Variants in G3BP1 observed in about 807,000 individuals in gnomAD.
The protein encoded by G3BP1 is ras GTPase-activating protein-binding protein 1.
Under a neutral mutation model 58.6 loss-of-function variants are expected in G3BP1, and 35 were observed. The observed-to-expected ratio is 0.60, with a 90% CI of 0.46 to 0.79. The LOEUF is 0.79. Among genes scored for constraint, G3BP1 ranks in the 30% least tolerant of loss-of-function variants. The pLI is 0.00. For synonymous variants in G3BP1, 191 were observed against 195.4 expected, an observed-to-expected ratio of 0.98 and a Z score of 0.19; for missense variants, 523 against 580.8, an observed-to-expected ratio of 0.90 and a Z score of 1.02.
In G3BP1 at chr5:151,797,231, G is replaced by T; in HGVS notation, c.544G>T (p.Asp182Tyr). 6.2e-7 allele frequency: 1 copy of T among 1,613,518 alleles called. No individual in the cohort carries two copies. The highest frequency in any genetic ancestry group is 1.1e-5 in the South Asian group (1 of 91,026). ...TCTCAAATTTTCCTGTCAAAGTAAT[G>T]ACATGGAAGAACATTTAGAGGAGCC... is the stretch of plus-strand genomic sequence containing the variant. ...TFYDQAVVSNDMEEHLEEPVA... is the reference protein window; with the variant it reads ...TFYDQAVVSNYMEEHLEEPVA... The change falls in exon 7 of 12, where the codon GAC becomes TAC. Residue 182 changes from aspartate to tyrosine, a missense_variant. Asp to Tyr is a radical substitution (Grantham distance 160). Around this residue, in one of 2 missense-constraint regions of G3BP1, gnomAD observed 398 missense variants for 399.1 expected, o/e 1.00. Transcript: ENST00000356245.
intron 1 of G3BP1, among the ~76,000 whole-genome samples, chr5:151,775,798 G>A (rs1198592343): frequency 6.6e-6 from 1 of 152,228 alleles, no homozygotes; most frequent in Non-Finnish European, 1.5e-5. Flanking sequence ...TTGGAGTGGG[G>A]AAGGGATACA....
intron 4 of G3BP1, among the ~76,000 whole-genome samples, chr5:151,793,842 A>G (rs1762701210): frequency 6.6e-6 from 1 of 151,694 alleles, no homozygotes; most frequent in African/African-American, 2.4e-5. Flanking sequence ...AAAAAAAAAA[A>G]AAAAAAAAAG....
chr5:151,809,463 A>T lies in G3BP1; in HGVS notation c.*5372A>T, dbSNP rs1012616661. 6.6e-6 allele frequency: 1 copy of T among 152,208 alleles called. No homozygotes were observed. Among genetic ancestry groups the T allele is most frequent in the East Asian group, 1.9e-4 (1 of 5,200 alleles). The allele number at this position is 152,208 out of a possible 1,614,324, so 9.4% of individuals were successfully genotyped here. A position where few individuals can be genotyped will look rare whatever the true frequency, so the allele number is the denominator to read the frequency against. On this transcript the variant is annotated 3_prime_UTR_variant, in exon 12 of 12. Transcript: ENST00000356245. ...ATAGGGTGGAAGTAAAATTTAGCTGATAGCATAGGGATCATTTGTGATTTA... is the reference window on the plus strand; with the variant it reads ...ATAGGGTGGAAGTAAAATTTAGCTGTTAGCATAGGGATCATTTGTGATTTA...
chr5:151,797,115 T>C, intron 6 of G3BP1, 112 bp from the exon 7 acceptor site: 1 of 994,660 alleles, frequency 1.0e-6, no homozygotes, highest in East Asian at 2.6e-5. Flanking sequence ...GATTTTTGTT[T>C]TGGATAGAAG....
chr5:151,800,921 G>A (rs1325038886), intron 11 of G3BP1, 52 bp downstream of exon 11: 2 of 879,936 alleles, frequency 2.3e-6, no homozygotes, highest in South Asian at 1.5e-5. Flanking sequence ...AAAGGGTTTT[G>A]GTTCTTTAGA....
chr5:151,792,728 T>C (rs1762681275), intron 4 of G3BP1, among the ~76,000 whole-genome samples: 1 of 151,944 alleles, frequency 6.6e-6, no homozygotes. Flanking sequence ...CTGAGCCTCC[T>C]AAGTAGCTGG....
intron 2 of G3BP1, among the ~76,000 whole-genome samples, chr5:151,787,961 G>A (rs1036065650): frequency 8.6e-5 from 13 of 151,898 alleles, no homozygotes; most frequent in Admixed American, 5.9e-4. Flanking sequence ...AGTCTCAGCT[G>A]TCTCCCGGGC....
At chr5:151,793,624 A>C (rs546494254) in intron 4 of G3BP1, among the ~76,000 whole-genome samples, 1 of 152,060 alleles carries the variant, frequency 6.6e-6, no homozygotes, top group African/African-American at 2.4e-5. Context: ...TTGTTGTGGG[A>C]GCCTGTCCTG....
At chr5:151,791,664 T>TC (rs1561534571) in intron 4 of G3BP1, 1 of 157,476 alleles carries the variant, frequency 6.4e-6, no homozygotes. Flanking sequence ...TCTCTCTCTC[T>TC]CTTTTTTTTT....
intron 4 of G3BP1, among the ~76,000 whole-genome samples, chr5:151,793,306 A>G (rs960783008): frequency 6.6e-6 from 1 of 151,912 alleles, no homozygotes; most frequent in African/African-American, 2.4e-5. Flanking sequence ...ATGGGGTTTC[A>G]CCATATTGGC....
chr5:151,800,758 A>G lies in G3BP1; in HGVS notation c.1085-2A>G. 6.3e-7 allele frequency: 1 copy of G among 1,578,670 alleles called. No homozygotes were observed. The highest frequency in any genetic ancestry group is 8.7e-7 in the Non-Finnish European group (1 of 1,147,722). On this transcript the variant is annotated splice_acceptor_variant, in intron 10 of 11. Transcript: ENST00000356245. LOFTEE classifies it high-confidence loss of function. ...TTATCTGAGAATGTGTTTCACTTGC[A>G]GGTTATGGAAACGTGGTGGAGTTGC...
chr5:151,799,051 T>G (rs1349517045), intron 7 of G3BP1, among the ~76,000 whole-genome samples, 161 bp from the exon 8 acceptor site: 2 of 152,156 alleles, frequency 1.3e-5, no homozygotes, highest in Admixed American at 6.5e-5. Flanking sequence ...GTACTAAATT[T>G]TGAATAGCTG....
At chr5:151,788,923 A>G (rs927028506) in intron 2 of G3BP1, among the ~76,000 whole-genome samples, 19 of 151,580 alleles carry the variant, frequency 1.3e-4, no homozygotes, top group Admixed American at 6.6e-5. Context: ...GATTACAGGC[A>G]TGCGCCACCA....
At position 151,803,896 on chromosome 5, in the gene G3BP1, CAG is replaced by C. The variant is rs755407991; in HGVS notation, c.1209_1210del (p.Gly404Ter). 1 of 1,612,016 alleles carries C rather than the reference CAG, an allele frequency of 6.2e-7. No homozygotes were observed. The highest frequency in any genetic ancestry group is 8.5e-7 in the Non-Finnish European group (1 of 1,178,314). On this transcript the variant is annotated frameshift_variant, in exon 12 of 12. Coordinates refer to ENST00000356245, the MANE Select transcript of G3BP1 (RefSeq NM_005754.3). LOFTEE classifies it high-confidence loss of function. ...KVLSNRPIMFRGEVRLNVEEK... is the reference protein window; with the variant it reads ...KVLSNRPIMFXGEVRLNVEEK... ...CTTGATTCTTACAGCCCATCATGTT[CAG>C]AGGTGAGGTCCGTCTGAATGTCGAA... is the stretch of plus-strand genomic sequence containing the variant.
At chr5:151,797,159 A>G in intron 6 of G3BP1, 68 bp from the exon 7 acceptor site, 1 of 1,497,756 alleles carries the variant, frequency 6.7e-7, no homozygotes, top group Non-Finnish European at 9.2e-7. Context: ...CTGATTAATA[A>G]ATGATGGAGG....
chr5:151,795,529 G>T lies in G3BP1; in HGVS notation c.493G>T (p.Val165Leu). 1 of 1,608,700 alleles carries T rather than the reference G, an allele frequency of 6.2e-7. No homozygotes were observed. Among genetic ancestry groups the T allele is most frequent in the Non-Finnish European group, 8.5e-7 (1 of 1,175,470 alleles). Residue 165 changes from valine to leucine, a missense_variant, in exon 6 of 12, where the codon GTG becomes TTG. Transcript: ENST00000356245. ...EPEERQQTPE[V>L]VPDDSGTFYD... ...TGAAGAAAGACAGCAAACACCTGAG[G>T]TGGTACCTGATGATTCTGGAACTTT...
At chr5:151,787,763 AG>A (rs1467356341) in intron 2 of G3BP1, 2 of 276,210 alleles carry the variant, frequency 7.2e-6, no homozygotes, top group Non-Finnish European at 1.5e-5. Flanking sequence ...CACCTTGACC[AG>A]CTTGCATATT....
intron 2 of G3BP1, 30 bp from the exon 3 acceptor site, chr5:151,790,293 T>G: frequency 8.3e-7 from 1 of 1,202,418 alleles, no homozygotes; most frequent in Non-Finnish European, 1.2e-6. Context: ...TACTTGAAGA[T>G]GACAAGTAAA....
chr5:151,777,687 A>T (rs1324740600), intron 1 of G3BP1, among the ~76,000 whole-genome samples: 1 of 152,222 alleles, frequency 6.6e-6, no homozygotes, highest in Non-Finnish European at 1.5e-5. Context: ...ACCTATGGTC[A>T]TGCTACTGCA....
Sources: gnomAD v4.1 joint callset for allele counts (sites outside exome capture counted in the v4.1 genomes callset) on GRCh38, gnomAD v4.1.1 for gene constraint, gnomAD v4.1.1 regional missense constraint, MANE v1.5 for transcripts, NCBI Gene and HGNC (gene_info 2026-07-23, HGNC 2026-07-21) for gene names.